Variants in SLC5A4 observed in about 807,000 individuals in gnomAD.
SLC5A4 encodes probable glucose sensor protein SLC5A4.
SLC5A4 carries 55 observed loss-of-function variants against 70.3 expected under a neutral mutation model. The observed-to-expected ratio is 0.78, with a 90% confidence interval of 0.63 to 0.98. SLC5A4 has a LOEUF of 0.98. Among genes scored for constraint, SLC5A4 ranks in the 50% least tolerant of loss-of-function variants. The probability of loss-of-function intolerance (pLI) is 0.00; values close to 1 mark genes in which losing one functional copy is unlikely to be tolerated. For synonymous variants in SLC5A4, 268 were observed against 305.7 expected, an observed-to-expected ratio of 0.88 and a Z score of 1.29; for missense variants, 735 against 839.2, an observed-to-expected ratio of 0.88 and a Z score of 1.53.
At chr22:32,292,232 TTATATA>T in the SLC5A4 span, among the ~76,000 whole-genome samples, 82 of 77,018 alleles carry the variant, frequency 1.1e-3, 7 homozygotes, top group African/African-American at 4.3e-3. Context: ...ATTCTATATA[TTATATA>T]TATAATATAT....
At chr22:32,268,464 T>G in the SLC5A4 span, 1 of 152,210 alleles carries the variant, frequency 6.6e-6, no homozygotes, top group African/African-American at 2.4e-5. Flanking sequence ...CTGTGGCTAC[T>G]CAGAAGAATG....
chr22:32,273,560 A>G, the SLC5A4 span: 2 of 152,732 alleles, frequency 1.3e-5, no homozygotes, highest in African/African-American at 4.8e-5. Flanking sequence ...TATAGTCTTA[A>G]TCACATGTTT....
intron 1 of SLC5A4, 52 bp from the exon 2 acceptor site, chr22:32,254,265 A>G: frequency 1.5e-6 from 2 of 1,370,070 alleles, no homozygotes; most frequent in South Asian, 2.3e-5. Flanking sequence ...GTGCACCCAG[A>G]CACCCCAGAG....
chr22:32,253,527 C>A (rs1927292812), intron 2 of SLC5A4, among the ~76,000 whole-genome samples: 1 of 152,158 alleles, frequency 6.6e-6, no homozygotes, highest in Admixed American at 6.5e-5. Context: ...GGACTGGCAA[C>A]AAAGCAGGAA....
chr22:32,251,149 C>CAAAAAAAAAAAAAAA (rs1169115054), intron 3 of SLC5A4, among the ~76,000 whole-genome samples: 55 of 22,752 alleles, frequency 2.4e-3, no homozygotes, highest in East Asian at 4.7e-3. Context: ...AACAAATAAG[C>CAAAAAAAAAAAAAAA]AAAAAAAAAA....
chr22:32,229,213 C>G lies in SLC5A4; in HGVS notation c.1261G>C (p.Glu421Gln), dbSNP rs1260634886. The change falls in exon 11 of 15, where the codon GAG becomes CAG. Residue 421 changes from glutamate (E) to glutamine (Q), a missense_variant. Coordinates refer to ENST00000266086, the MANE Select transcript of SLC5A4 (RefSeq NM_014227.3). ...TKMRKQASEK[E>Q]LLIAGRIFVL... ...ACTCACCGTCCAGCTATCAGGAGCT[C>G]TTTCTCCGACGCTTGCTTCCGCATC... 1 of 1,614,144 alleles carries G rather than the reference C, an allele frequency of 6.2e-7. No individual in the cohort carries two copies. Among genetic ancestry groups the G allele is most frequent in the Non-Finnish European group, 8.5e-7 (1 of 1,179,994 alleles).
At chr22:32,221,865 C>T (rs1925104409) in intron 13 of SLC5A4, among the ~76,000 whole-genome samples, 1 of 152,182 alleles carries the variant, frequency 6.6e-6, no homozygotes, top group Admixed American at 6.5e-5. Flanking sequence ...ATTCTCCTGC[C>T]TCAGCCTCAC....
intron 13 of SLC5A4, among the ~76,000 whole-genome samples, chr22:32,221,477 T>C (rs1484416342): frequency 2.0e-5 from 3 of 152,236 alleles, no homozygotes; most frequent in South Asian, 2.1e-4. Flanking sequence ...CTATGTACTA[T>C]TGAATTCCAG....
At chr22:32,348,725 A>G in the SLC5A4 span, among the ~76,000 whole-genome samples, 1 of 152,156 alleles carries the variant, frequency 6.6e-6, no homozygotes, top group African/African-American at 2.4e-5. Context: ...CTTGTTAAAG[A>G]ACTGATCAAT....
At chr22:32,220,211 G>A (rs1297796463) in intron 14 of SLC5A4, among the ~76,000 whole-genome samples, 3 of 152,150 alleles carry the variant, frequency 2.0e-5, no homozygotes, top group Middle Eastern at 3.4e-3. Context: ...CAAAGACTTA[G>A]TACAAAACCA....
chr22:32,271,356 G>A, the SLC5A4 span: 5 of 738,082 alleles, frequency 6.8e-6, no homozygotes, highest in Non-Finnish European at 1.2e-5. Context: ...GGTGCTGCTG[G>A]TTGTGCTGGG....
the SLC5A4 span, chr22:32,271,587 G>A: frequency 2.5e-5 from 17 of 686,390 alleles, no homozygotes; most frequent in Admixed American, 5.7e-5. Context: ...CGCGTGGCGT[G>A]TTTCCACTAC....
At chr22:32,347,211 G>A in the SLC5A4 span, among the ~76,000 whole-genome samples, 1 of 152,322 alleles carries the variant, frequency 6.6e-6, no homozygotes. Context: ...AACAACAGGT[G>A]CTGGAGAGGA....
chr22:32,244,765 AG>A (rs1257897286), intron 5 of SLC5A4, among the ~76,000 whole-genome samples: 1 of 152,142 alleles, frequency 6.6e-6, no homozygotes, highest in Non-Finnish European at 1.5e-5. Flanking sequence ...CCTGGCCTCC[AG>A]TGATCCTCCT....
the SLC5A4 span, chr22:32,271,467 A>G: frequency 1.3e-6 from 1 of 748,206 alleles, no homozygotes; most frequent in South Asian, 1.4e-5. Flanking sequence ...GGGCAATCTC[A>G]AAGTCCACTT....
At chr22:32,306,482 A>C in the SLC5A4 span, among the ~76,000 whole-genome samples, 5 of 151,122 alleles carry the variant, frequency 3.3e-5, no homozygotes, top group East Asian at 7.9e-4. Flanking sequence ...AAAAAACAAA[A>C]ACTACTGTAT....
chr22:32,311,479 C>A, the SLC5A4 span, among the ~76,000 whole-genome samples: 145 of 152,316 alleles, frequency 9.5e-4, 1 homozygote, highest in African/African-American at 3.4e-3. Context: ...GTGATGCCAT[C>A]CATCTCATAG....
the SLC5A4 span, among the ~76,000 whole-genome samples, chr22:32,318,963 TGA>T: frequency 6.6e-6 from 1 of 152,216 alleles, no homozygotes; most frequent in Admixed American, 6.5e-5. Flanking sequence ...TGTTTCATGA[TGA>T]GAGGAACATG....
chr22:32,220,963 T>C lies in SLC5A4; in HGVS notation c.1725A>G (p.Ala575=). The change falls in exon 14 of 15, where the codon GCA becomes GCG. Residue 575 remains alanine (A), a synonymous_variant. Transcript: ENST00000266086. ...NSTEERIDID[A]EEKSQEETDD... ...CTGTTTCTTCCTGACTTTTCTCTTCTGCATCTATATCGATTCGCTCCTCTG... is the reference window on the plus strand; with the variant it reads ...CTGTTTCTTCCTGACTTTTCTCTTCCGCATCTATATCGATTCGCTCCTCTG... 6.2e-7 allele frequency: 1 copy of C among 1,614,014 alleles called. No individual in the cohort carries two copies. The highest frequency in any genetic ancestry group is 8.5e-7 in the Non-Finnish European group (1 of 1,179,858).
Sources: allele counts gnomAD v4.1 joint callset (sites outside exome capture counted in the v4.1 genomes callset), GRCh38; gene constraint gnomAD v4.1.1; transcripts MANE v1.5; gene names NCBI Gene and HGNC (gene_info 2026-07-23, HGNC 2026-07-21).